Variants in CCDC148 observed in about 807,000 individuals in gnomAD.
CCDC148 encodes the protein coiled-coil domain-containing protein 148.
A neutral mutation model predicts 85.7 loss-of-function variants in CCDC148; 89 were observed. The observed-to-expected ratio is 1.04, with a 90% CI of 0.87 to 1.24. The LOEUF is 1.24. CCDC148 is among the 50% of genes most tolerant of loss of function. The pLI, the probability that CCDC148 is intolerant of heterozygous loss-of-function variation, is 0.00. For synonymous variants in CCDC148, 230 were observed against 213.9 expected, an observed-to-expected ratio of 1.08 and a Z score of -0.66; for missense variants, 692 against 671.7, an observed-to-expected ratio of 1.03 and a Z score of -0.33.
At chr2:158,254,263 G>A (rs891439451) in intron 9 of CCDC148, among the ~76,000 whole-genome samples, 8 of 151,630 alleles carry the variant, frequency 5.3e-5, no homozygotes, top group Admixed American at 2.6e-4. Context: ...GTTAGTTGAT[G>A]CTATTAAGGA....
At chr2:158,299,938 CT>C (rs556390760) in intron 9 of CCDC148, among the ~76,000 whole-genome samples, 75 of 152,316 alleles carry the variant, frequency 4.9e-4, no homozygotes, top group Admixed American at 3.8e-3. Context: ...CTACTTGTGG[CT>C]TCTTGACTGG....
intron 1 of CCDC148, among the ~76,000 whole-genome samples, chr2:158,365,486 A>G (rs151258506): frequency 0.071 from 10,828 of 152,270 alleles, 529 homozygotes; most frequent in South Asian, 0.12. Context: ...ATAAAAAAGG[A>G]TAAGTTCATG....
At chr2:158,200,533 G>GC (rs371470310) in intron 11 of CCDC148, among the ~76,000 whole-genome samples, 1 of 152,150 alleles carries the variant, frequency 6.6e-6, no homozygotes, top group Non-Finnish European at 1.5e-5. Context: ...AGACAGGATG[G>GC]CCCACGCAGC....
intron 11 of CCDC148, among the ~76,000 whole-genome samples, chr2:158,199,875 T>A (rs1389032170): frequency 1.3e-5 from 2 of 152,236 alleles, no homozygotes. Flanking sequence ...GCTTAAAGCA[T>A]AAACATCTAT....
chr2:158,353,888 C>T (rs201044358), intron 2 of CCDC148, among the ~76,000 whole-genome samples: 26,929 of 152,118 alleles, frequency 0.18, 3,105 homozygotes, highest in Middle Eastern at 0.26. Flanking sequence ...TCTCAGACCA[C>T]AGTGCAATCA....
At chr2:158,358,947 T>A (rs963932370) in intron 1 of CCDC148, among the ~76,000 whole-genome samples, 1 of 152,160 alleles carries the variant, frequency 6.6e-6, no homozygotes, top group African/African-American at 2.4e-5. Flanking sequence ...TATCACATCA[T>A]TATAAATCAA....
chr2:158,225,781 G>C (rs1284688424), intron 10 of CCDC148, among the ~76,000 whole-genome samples: 1 of 152,112 alleles, frequency 6.6e-6, no homozygotes, highest in Non-Finnish European at 1.5e-5. Flanking sequence ...CAACATACCA[G>C]AATCTCTGGG....
chr2:158,445,642 T>C (rs1688127353), intron 1 of CCDC148, among the ~76,000 whole-genome samples: 1 of 152,202 alleles, frequency 6.6e-6, no homozygotes. Context: ...ATAAACATTT[T>C]ATCTAAAGAT....
chr2:158,328,112 C>T (rs1486745966), intron 7 of CCDC148, among the ~76,000 whole-genome samples: 1 of 151,800 alleles, frequency 6.6e-6, no homozygotes, highest in African/African-American at 2.4e-5. Context: ...TGTACTGCAC[C>T]CAACAACTCG....
At chr2:158,267,869 C>T (rs1020532048) in intron 9 of CCDC148, among the ~76,000 whole-genome samples, 2 of 152,140 alleles carry the variant, frequency 1.3e-5, no homozygotes, top group Non-Finnish European at 2.9e-5. Flanking sequence ...TGGTTGGCTT[C>T]TTCCACTTAG....
At chr2:158,410,421 CCT>C (rs1686208128) in intron 1 of CCDC148, among the ~76,000 whole-genome samples, 1 of 151,926 alleles carries the variant, frequency 6.6e-6, no homozygotes, top group African/African-American at 2.4e-5. Context: ...TTTGCACTTG[CCT>C]CTCTACCTTC....
At chr2:158,378,184 A>T (rs1684731902) in intron 1 of CCDC148, among the ~76,000 whole-genome samples, 1 of 152,146 alleles carries the variant, frequency 6.6e-6, no homozygotes, top group South Asian at 2.1e-4. Flanking sequence ...CATGCAAGTG[A>T]TAAGAAAACA....
chr2:158,295,348 G>C (rs1034215045), intron 9 of CCDC148, among the ~76,000 whole-genome samples: 1 of 152,156 alleles, frequency 6.6e-6, no homozygotes, highest in Admixed American at 6.5e-5. Flanking sequence ...AATAGAAAAA[G>C]AGGGAATCCT....
intron 1 of CCDC148, among the ~76,000 whole-genome samples, chr2:158,367,532 GGTCTAACCCT>G (rs1337527580): frequency 6.6e-6 from 1 of 152,022 alleles, no homozygotes; most frequent in Non-Finnish European, 1.5e-5. Context: ...TGGCTACCTT[GGTCTAACCCT>G]GTCTAATTTT....
chr2:158,414,204 A>T (rs928914390), intron 1 of CCDC148, among the ~76,000 whole-genome samples: 4 of 152,256 alleles, frequency 2.6e-5, no homozygotes, highest in Non-Finnish European at 5.9e-5. Flanking sequence ...TAAAATGCTT[A>T]ATTATACAAA....
intron 7 of CCDC148, among the ~76,000 whole-genome samples, chr2:158,337,844 ATAGTT>A (rs1682464868): frequency 6.6e-6 from 1 of 152,214 alleles, no homozygotes; most frequent in Admixed American, 6.6e-5. Context: ...CTTACAATTA[ATAGTT>A]TCATACAGAG....
intron 2 of CCDC148, among the ~76,000 whole-genome samples, chr2:158,346,453 C>A (rs1002162808): frequency 6.6e-6 from 1 of 152,180 alleles, no homozygotes; most frequent in African/African-American, 2.4e-5. Context: ...CTCTGACCTA[C>A]TGATGGCAGT....
chr2:158,256,060 CAGAA>C (rs2105146960), intron 9 of CCDC148, among the ~76,000 whole-genome samples: 1 of 151,716 alleles, frequency 6.6e-6, no homozygotes, highest in Non-Finnish European at 1.5e-5. Context: ...CACACATTCT[CAGAA>C]AGAACAAAGT....
intron 1 of CCDC148, among the ~76,000 whole-genome samples, chr2:158,368,955 T>C (rs182973029): frequency 8.5e-5 from 13 of 152,088 alleles, no homozygotes; most frequent in Non-Finnish European, 1.0e-4. Context: ...TTTAATACAC[T>C]GAGGAAGGAA....
Sources: allele counts gnomAD v4.1 joint callset (sites outside exome capture counted in the v4.1 genomes callset), GRCh38; gene constraint gnomAD v4.1.1; transcripts MANE v1.5; gene names NCBI Gene and HGNC (gene_info 2026-07-23, HGNC 2026-07-21).